PDLIM5: variants seen among roughly 807,000 people sequenced by gnomAD.
PDLIM5 encodes PDZ and LIM domain protein 5.
PDLIM5 carries 34 observed loss-of-function variants against 64.2 expected under a neutral mutation model. The observed-to-expected ratio is 0.53, with a 90% confidence interval of 0.40 to 0.71. The LOEUF (loss-of-function observed/expected upper bound fraction) is 0.71. PDLIM5 is among the 30% of genes least tolerant of loss of function. The probability of loss-of-function intolerance (pLI) is 0.00; values close to 1 mark genes in which losing one functional copy is unlikely to be tolerated. For missense variants in PDLIM5, 683 were observed against 733.6 expected (o/e 0.93, Z 0.80); for synonymous variants, 253 against 269.1 (o/e 0.94, Z 0.59).
Position 94,635,372 on chromosome 4 carries a change from A to G in PDLIM5, c.1109-4904A>G, listed in dbSNP as rs1383206815. Among the ~76,000 whole-genome samples, 6 of 152,274 alleles carry G rather than the reference A, an allele frequency of 3.9e-5. No individual in the cohort carries two copies. In the South Asian group the frequency reaches 1.2e-3, roughly 32 times the overall value. On this transcript the variant is annotated intron_variant, in intron 8 of 12. Coordinates refer to ENST00000317968, the MANE Select transcript of PDLIM5 (RefSeq NM_006457.5). ...CCTGACTTGCTCATTATTCAGTTCG[A>G]AAAAGTCACACTTTTTGTGACTTAC... is the stretch of plus-strand genomic sequence containing the variant.
intron 2 of PDLIM5, among the ~76,000 whole-genome samples, chr4:94,522,970 TA>T (rs1729961238): frequency 6.7e-6 from 1 of 148,726 alleles, no homozygotes; most frequent in African/African-American, 2.6e-5. Context: ...TCACTTAGTA[TA>T]ATATATCTGC....
At chr4:94,631,387 C>T (rs1360354432) in intron 8 of PDLIM5, among the ~76,000 whole-genome samples, 1 of 152,096 alleles carries the variant, frequency 6.6e-6, no homozygotes, top group Non-Finnish European at 1.5e-5. Context: ...TCATATTTTA[C>T]AGAATACATG....
chr4:94,464,564 T>G (rs984665144), intron 2 of PDLIM5, among the ~76,000 whole-genome samples: 2 of 152,236 alleles, frequency 1.3e-5, no homozygotes, highest in Non-Finnish European at 2.9e-5. Context: ...AGATGTCCTT[T>G]AGAAAACAAA....
At chr4:94,454,233 A>C (rs183775331) in intron 1 of PDLIM5, among the ~76,000 whole-genome samples, 410 of 151,894 alleles carry the variant, frequency 2.7e-3, no homozygotes, top group African/African-American at 8.9e-3. Flanking sequence ...TTTTAAAGAG[A>C]GAGAATTATT....
At chr4:94,593,666 T>A (rs1736847772) in intron 7 of PDLIM5, among the ~76,000 whole-genome samples, 1 of 152,102 alleles carries the variant, frequency 6.6e-6, no homozygotes, top group Non-Finnish European at 1.5e-5. Context: ...AGGACCTATC[T>A]CCAAATAGTC....
intron 2 of PDLIM5, among the ~76,000 whole-genome samples, chr4:94,472,166 A>G (rs1224530238): frequency 1.1e-4 from 16 of 151,952 alleles, no homozygotes; most frequent in South Asian, 4.2e-4. Context: ...ACACACGCGC[A>G]CACACACACA....
intron 2 of PDLIM5, among the ~76,000 whole-genome samples, chr4:94,496,328 AT>A (rs914370129): frequency 4.6e-5 from 7 of 152,076 alleles, no homozygotes; most frequent in Non-Finnish European, 1.0e-4. Flanking sequence ...TCAGTACAAG[AT>A]TTTTTCCAAG....
At chr4:94,636,204 CTT>C (rs1468652179) in intron 8 of PDLIM5, among the ~76,000 whole-genome samples, 2 of 152,110 alleles carry the variant, frequency 1.3e-5, no homozygotes, top group Non-Finnish European at 2.9e-5. Context: ...TTACCACACT[CTT>C]TTATTGCTAA....
chr4:94,665,917 C>T lies in PDLIM5; in HGVS notation c.*1850C>T, dbSNP rs141649481. 5.4e-6 allele frequency: 8 copies of T among 1,492,916 alleles called. No individual in the cohort carries two copies. The highest frequency in any genetic ancestry group is 7.1e-6 in the Non-Finnish European group (8 of 1,129,632). The allele number at this position is 1,492,916 out of a possible 1,614,324, so 92.5% of individuals were successfully genotyped here. Reference sequence around the variant, plus strand: ...TTTGGGAAAAGAATTATGTAGATACCACATGGAGACAGGGAAACAATTGTG... The same window carrying T: ...TTTGGGAAAAGAATTATGTAGATACTACATGGAGACAGGGAAACAATTGTG... On this transcript the variant is annotated 3_prime_UTR_variant, in exon 13 of 13. Coordinates refer to ENST00000317968, the MANE Select transcript of PDLIM5 (RefSeq NM_006457.5).
intron 2 of PDLIM5, among the ~76,000 whole-genome samples, chr4:94,499,469 G>A (rs1389725733): frequency 2.6e-5 from 4 of 152,000 alleles, no homozygotes; most frequent in Middle Eastern, 3.4e-3. Context: ...GAAAATGTTT[G>A]GAAGAAAAAC....
At chr4:94,553,380 A>G (rs187127676) in intron 3 of PDLIM5, among the ~76,000 whole-genome samples, 82 of 152,286 alleles carry the variant, frequency 5.4e-4, no homozygotes, top group Non-Finnish European at 1.1e-3. Flanking sequence ...AAGTGCTGGG[A>G]TTACAGGCGT....
chr4:94,546,137 A>T (rs1178962859), intron 3 of PDLIM5, among the ~76,000 whole-genome samples: 3 of 152,198 alleles, frequency 2.0e-5, no homozygotes, highest in Non-Finnish European at 4.4e-5. Flanking sequence ...TTGACCATTT[A>T]TGATGCTTGC....
intron 8 of PDLIM5, among the ~76,000 whole-genome samples, chr4:94,620,588 T>C (rs1190926089): frequency 6.6e-6 from 1 of 152,144 alleles, no homozygotes; most frequent in Non-Finnish European, 1.5e-5. Context: ...TTTTTGAGAT[T>C]TGTAAGAGTG....
chr4:94,471,311 A>C (rs983296680), intron 2 of PDLIM5, among the ~76,000 whole-genome samples: 1 of 152,144 alleles, frequency 6.6e-6, no homozygotes, highest in Non-Finnish European at 1.5e-5. Flanking sequence ...AATACACCAT[A>C]AAGTCTACTT....
At chr4:94,567,998 A>G (rs971949153) in intron 3 of PDLIM5, among the ~76,000 whole-genome samples, 1 of 152,228 alleles carries the variant, frequency 6.6e-6, no homozygotes, top group African/African-American at 2.4e-5. Context: ...CACAGAAGGA[A>G]TAATACGTTT....
chr4:94,634,044 G>C (rs747437980), intron 8 of PDLIM5, among the ~76,000 whole-genome samples: 1 of 152,108 alleles, frequency 6.6e-6, no homozygotes, highest in Non-Finnish European at 1.5e-5. Flanking sequence ...ATGGGCAAGG[G>C]GTAGAGTGGC....
At chr4:94,611,876 T>C (rs1738391353) in intron 7 of PDLIM5, among the ~76,000 whole-genome samples, 3 of 152,216 alleles carry the variant, frequency 2.0e-5, no homozygotes, top group Non-Finnish European at 4.4e-5. Context: ...CTAGGCTGTC[T>C]ATTGATTAGA....
At chr4:94,561,282 C>A (rs1733825136) in intron 3 of PDLIM5, among the ~76,000 whole-genome samples, 1 of 152,162 alleles carries the variant, frequency 6.6e-6, no homozygotes, top group Non-Finnish European at 1.5e-5. Flanking sequence ...GCCAATTGAT[C>A]CTTCCCTTCC....
At chr4:94,534,952 C>A (rs1424061686) in intron 3 of PDLIM5, among the ~76,000 whole-genome samples, 1 of 152,016 alleles carries the variant, frequency 6.6e-6, no homozygotes, top group Non-Finnish European at 1.5e-5. Context: ...CAAATGTTGA[C>A]CAACTGGAAA....
Sources: gnomAD v4.1 joint callset for allele counts (sites outside exome capture counted in the v4.1 genomes callset) on GRCh38, gnomAD v4.1.1 for gene constraint, MANE v1.5 for transcripts, NCBI Gene and HGNC (gene_info 2026-07-23, HGNC 2026-07-21) for gene names.